ADAMTS14: variants seen among roughly 807,000 people sequenced by gnomAD.
ADAMTS14 encodes the protein A disintegrin and metalloproteinase with thrombospondin motifs 14.
ADAMTS14 carries 100 observed loss-of-function variants against 128.6 expected under a neutral mutation model. That is an observed-to-expected ratio of 0.78 (90% CI 0.66 to 0.92). ADAMTS14 has a LOEUF of 0.92. Among genes scored for constraint, ADAMTS14 ranks in the 40% least tolerant of loss-of-function variants. ADAMTS14 has a pLI of 0.00. For missense variants in ADAMTS14, 1,562 were observed against 1,658.6 expected (o/e 0.94, Z 1.01); for synonymous variants, 665 against 653.8 (o/e 1.02, Z -0.26).
intron 4 of ADAMTS14, among the ~76,000 whole-genome samples, chr10:70,715,522 G>A (rs1334877919): frequency 2.0e-5 from 3 of 152,142 alleles, no homozygotes; most frequent in African/African-American, 4.8e-5. Context: ...AAATGATGGG[G>A]GTGAGGGTGG....
chr10:70,724,963 C>T (rs1380766735), intron 4 of ADAMTS14, among the ~76,000 whole-genome samples: 1 of 152,098 alleles, frequency 6.6e-6, no homozygotes, highest in East Asian at 1.9e-4. Context: ...TTTCCATCTT[C>T]CCTGCCATTC....
intron 4 of ADAMTS14, among the ~76,000 whole-genome samples, chr10:70,718,637 C>T (rs1176916592): frequency 6.6e-6 from 1 of 150,434 alleles, no homozygotes; most frequent in Non-Finnish European, 1.5e-5. Context: ...CTGCCCGCCT[C>T]AGCCTCCCAA....
chr10:70,741,403 A>G (rs1841996282), intron 12 of ADAMTS14, among the ~76,000 whole-genome samples: 1 of 152,244 alleles, frequency 6.6e-6, no homozygotes, highest in Non-Finnish European at 1.5e-5. Context: ...TTATGATGAC[A>G]GTTTTCTGGC....
chr10:70,719,464 C>T (rs919284834), intron 4 of ADAMTS14, among the ~76,000 whole-genome samples: 10 of 151,826 alleles, frequency 6.6e-5, no homozygotes, highest in South Asian at 4.2e-4. Flanking sequence ...TGCAGTGGTG[C>T]GATCATGGCT....
rs534294895 is a variant in ADAMTS14 at position 70,745,274 on chromosome 10, T to C, written c.2231T>C (p.Ile744Thr). 9.3e-6 allele frequency: 15 copies of C among 1,612,586 alleles called. No individual in the cohort carries two copies. In the East Asian group the frequency reaches 2.2e-4, roughly 24 times the overall value. ...CCAGCAGGTGCCAGGCACATCCAGA[T>C]TGAGGCACTGGAGAAGTCCCCCCAC... is the stretch of plus-strand genomic sequence containing the variant. The part of the protein sequence containing the change: ...QIPAGARHIQ[I>T]EALEKSPHRI... Residue 744 changes from isoleucine to threonine, a missense_variant, in exon 15 of 22, where the codon ATT (isoleucine) becomes ACT (threonine). Transcript: ENST00000373207.
At chr10:70,731,962 G>A (rs1471410508) in intron 6 of ADAMTS14, among the ~76,000 whole-genome samples, 1 of 152,164 alleles carries the variant, frequency 6.6e-6, no homozygotes, top group Non-Finnish European at 1.5e-5. Flanking sequence ...ACTGGAGGGA[G>A]GCATTGTGGA....
At chr10:70,698,618 G>A (rs1840402522) in intron 2 of ADAMTS14, among the ~76,000 whole-genome samples, 1 of 152,216 alleles carries the variant, frequency 6.6e-6, no homozygotes, top group Admixed American at 6.5e-5. Flanking sequence ...TTGAGGCCTG[G>A]GTAGGATGCA....
chr10:70,736,532 A>G, intron 9 of ADAMTS14, 148 bp from the exon 10 acceptor site: 2 of 621,892 alleles, frequency 3.2e-6, no homozygotes, highest in Non-Finnish European at 5.2e-6. Context: ...AGTTGAGTAA[A>G]CTTGAAGCAG....
At chr10:70,698,663 C>T (rs74874996) in intron 2 of ADAMTS14, among the ~76,000 whole-genome samples, 3,323 of 152,320 alleles carry the variant, frequency 0.022, 52 homozygotes, top group East Asian at 0.087. Context: ...GGGGAGGTTC[C>T]GCCCTGATCC....
chr10:70,723,742 C>G (rs1705139609), intron 4 of ADAMTS14, among the ~76,000 whole-genome samples: 1 of 152,184 alleles, frequency 6.6e-6, no homozygotes, highest in East Asian at 1.9e-4. Context: ...CCTGCCCGAG[C>G]CTGGCTACCA....
At chr10:70,692,296 C>T (rs551249164) in intron 2 of ADAMTS14, among the ~76,000 whole-genome samples, 1 of 152,168 alleles carries the variant, frequency 6.6e-6, no homozygotes, top group African/African-American at 2.4e-5. Flanking sequence ...AAAAGACCAC[C>T]ACCTGCTGTG....
chr10:70,705,439 C>A (rs148731742), intron 3 of ADAMTS14, among the ~76,000 whole-genome samples: 1 of 152,226 alleles, frequency 6.6e-6, no homozygotes, highest in African/African-American at 2.4e-5. Context: ...GGGCTCAGGG[C>A]GGCTGCTTTA....
In ADAMTS14 at chr10:70,745,470, A is replaced by G. The variant is rs12253119; in HGVS notation, c.2263+164A>G. ...TCATTTTATTTTAAATTTATGCTGC[A>G]TGGGTAACCCATTCCATGGTTTACA... On this transcript the variant is annotated intron_variant, in intron 15 of 21. Coordinates refer to ENST00000373207, the MANE Select transcript of ADAMTS14 (RefSeq NM_080722.4). 14,491 of 771,114 alleles carry G rather than the reference A, an allele frequency of 0.019. 1,404 individuals are homozygous for G. In the African/African-American group the frequency reaches 0.22, roughly 12 times the overall value. The allele number at this position is 771,114 out of a possible 1,614,324, so 47.8% of individuals were successfully genotyped here. A position where few individuals can be genotyped will look rare whatever the true frequency, so the allele number is the denominator to read the frequency against.
At chr10:70,718,913 C>G (rs1238770101) in intron 4 of ADAMTS14, among the ~76,000 whole-genome samples, 1 of 151,590 alleles carries the variant, frequency 6.6e-6, no homozygotes, top group East Asian at 1.9e-4. Context: ...CCAAGCTGGT[C>G]TTGAACTCCT....
In ADAMTS14 at chr10:70,735,305, A is replaced by G; in HGVS notation, c.1485+4A>G. 1 of 1,613,608 alleles carries G rather than the reference A, an allele frequency of 6.2e-7. No individual in the cohort carries two copies. Among genetic ancestry groups the G allele is most frequent in the South Asian group, 1.1e-5 (1 of 90,940 alleles). ...TGGCTACCAGACCTGCTTGGCAGTA[A>G]GTAGCCATCTGGCCTCTGCCAGGTG... On this transcript the variant is annotated splice_donor_region_variant and intron_variant, in intron 9 of 21. Coordinates refer to ENST00000373207, the MANE Select transcript of ADAMTS14 (RefSeq NM_080722.4).
At chr10:70,719,965 T>C (rs1841200812) in intron 4 of ADAMTS14, among the ~76,000 whole-genome samples, 1 of 152,242 alleles carries the variant, frequency 6.6e-6, no homozygotes, top group African/African-American at 2.4e-5. Flanking sequence ...ACATCGAGGC[T>C]GCTGCGTTTC....
chr10:70,690,380 C>G (rs140648357), intron 2 of ADAMTS14, among the ~76,000 whole-genome samples: 1 of 144,612 alleles, frequency 6.9e-6, no homozygotes, highest in East Asian at 1.9e-4. Flanking sequence ...CTCCTTCCAC[C>G]CTTTGCAGAG....
At chr10:70,689,524 C>T (rs1199046748) in intron 2 of ADAMTS14, among the ~76,000 whole-genome samples, 2 of 145,310 alleles carry the variant, frequency 1.4e-5, no homozygotes, top group Admixed American at 6.8e-5. Flanking sequence ...AACTGTGGCT[C>T]TGGTACAGAA....
intron 16 of ADAMTS14, 124 bp from the exon 17 acceptor site, chr10:70,751,354 C>A: frequency 1.0e-6 from 1 of 970,980 alleles, no homozygotes; most frequent in Non-Finnish European, 1.6e-6. Context: ...CTGGGCACAA[C>A]CTCATCCTAG....
Sources: gnomAD v4.1 joint callset for allele counts (sites outside exome capture counted in the v4.1 genomes callset) on GRCh38, gnomAD v4.1.1 for gene constraint, MANE v1.5 for transcripts, NCBI Gene and HGNC (gene_info 2026-07-23, HGNC 2026-07-21) for gene names.